Variants in EGFLAM observed in about 807,000 individuals in gnomAD.
EGFLAM encodes the protein pikachurin.
Under a neutral mutation model 113.1 loss-of-function variants are expected in EGFLAM, and 79 were observed. The observed-to-expected ratio is 0.70, with a 90% CI of 0.58 to 0.84. EGFLAM has a LOEUF of 0.84. EGFLAM is among the 40% of genes least tolerant of loss of function. EGFLAM has a pLI of 0.00. For missense variants in EGFLAM, 1,265 were observed against 1,291.6 expected (o/e 0.98, Z 0.32); for synonymous variants, 504 against 487.6 (o/e 1.03, Z -0.44).
Position 38,464,120 on chromosome 5 carries a change from T to C in EGFLAM, c.*134T>C, listed in dbSNP as rs1217518948. On this transcript the variant is annotated 3_prime_UTR_variant, in exon 22 of 22. Coordinates refer to ENST00000322350, the MANE Select transcript of EGFLAM (RefSeq NM_152403.4). ...CTCTCACCAAGAAGAAAGTACACAC[T>C]GATGAGAAACTGAGAACCAAGACAG... is the stretch of plus-strand genomic sequence containing the variant. 3 of 1,218,288 alleles carry C rather than the reference T, an allele frequency of 2.5e-6. No individual in the cohort carries two copies. Among genetic ancestry groups the C allele is most frequent in the Non-Finnish European group, 3.4e-6 (3 of 893,214 alleles). The allele number at this position is 1,218,288 out of a possible 1,614,324, so 75.5% of individuals were successfully genotyped here.
At chr5:38,438,763 G>A (rs1294945439) in intron 17 of EGFLAM, among the ~76,000 whole-genome samples, 2 of 152,074 alleles carry the variant, frequency 1.3e-5, no homozygotes, top group Non-Finnish European at 2.9e-5. Context: ...ACAGAGTAGG[G>A]GTTTCCAGGA....
chr5:38,351,942 G>A (rs1041708483), intron 4 of EGFLAM, among the ~76,000 whole-genome samples: 2 of 152,132 alleles, frequency 1.3e-5, no homozygotes, highest in East Asian at 3.9e-4. Flanking sequence ...GGGGTGCAAC[G>A]GGGAGAAGGG....
chr5:38,384,575 C>T (rs114691329), intron 6 of EGFLAM, among the ~76,000 whole-genome samples: 56 of 152,186 alleles, frequency 3.7e-4, no homozygotes, highest in African/African-American at 1.0e-3. Flanking sequence ...ACTTTCTGAC[C>T]GGGAACACCT....
At position 38,370,432 on chromosome 5, in the gene EGFLAM, A is replaced by G. The variant is rs749148076; in HGVS notation, c.682A>G (p.Ser228Gly). 2 of 1,614,168 alleles carry G rather than the reference A, an allele frequency of 1.2e-6. No individual in the cohort carries two copies. The highest frequency in any genetic ancestry group is 3.3e-5 in the Admixed American group (2 of 60,032). Residue 228 changes from serine to glycine, a missense_variant, in exon 6 of 22, where the codon AGC becomes GGC. Physicochemically the swap from Ser to Gly is moderately conservative, Grantham distance 56 (BLOSUM62 0). Coordinates refer to ENST00000322350, the MANE Select transcript of EGFLAM (RefSeq NM_152403.4). Reference protein sequence around the residue: ...AMNSHGPSPRSWPSDIIRTLC... With the variant: ...AMNSHGPSPRGWPSDIIRTLC... The stretch of plus-strand genomic sequence containing the variant: ...GAATTCCCATGGCCCCAGCCCCCGC[A>G]GCTGGCCCAGTGACATCATCCGGAC...
intron 6 of EGFLAM, among the ~76,000 whole-genome samples, chr5:38,393,592 C>T (rs1459262464): frequency 6.6e-6 from 1 of 152,202 alleles, no homozygotes; most frequent in Non-Finnish European, 1.5e-5. Context: ...GAGACAGATT[C>T]GTTCCCTTGA....
At chr5:38,278,925 A>G (rs1757953862) in intron 1 of EGFLAM, among the ~76,000 whole-genome samples, 1 of 152,184 alleles carries the variant, frequency 6.6e-6, no homozygotes, top group Non-Finnish European at 1.5e-5. Context: ...GAGTGAACAG[A>G]CAAAATACAG....
intron 1 of EGFLAM, among the ~76,000 whole-genome samples, chr5:38,291,857 C>T (rs2111795424): frequency 6.6e-6 from 1 of 152,308 alleles, no homozygotes; most frequent in South Asian, 2.1e-4. Context: ...GAGGGAAATT[C>T]CACCTGGCTC....
chr5:38,346,040 C>T (rs986425905), intron 3 of EGFLAM, among the ~76,000 whole-genome samples: 4 of 152,028 alleles, frequency 2.6e-5, no homozygotes, highest in South Asian at 2.1e-4. Flanking sequence ...TGCCACTTTC[C>T]GGAGTGTCAG....
At chr5:38,445,572 G>A (rs995435031) in intron 17 of EGFLAM, 3 of 1,595,560 alleles carry the variant, frequency 1.9e-6, no homozygotes, top group Admixed American at 3.3e-5. Flanking sequence ...AGCTTTGTGA[G>A]AGAAACAAGG....
intron 1 of EGFLAM, among the ~76,000 whole-genome samples, chr5:38,309,954 C>A (rs1738380757): frequency 6.6e-6 from 1 of 152,198 alleles, no homozygotes; most frequent in Non-Finnish European, 1.5e-5. Context: ...ATGGCATCAG[C>A]CATGACAGCG....
intron 3 of EGFLAM, among the ~76,000 whole-genome samples, chr5:38,339,454 A>G (rs933755751): frequency 2.0e-5 from 3 of 152,212 alleles, no homozygotes; most frequent in African/African-American, 7.2e-5. Context: ...TAACACTATT[A>G]TAATGGTGGT....
chr5:38,385,671 C>G (rs1478087746), intron 6 of EGFLAM, among the ~76,000 whole-genome samples: 1 of 152,204 alleles, frequency 6.6e-6, no homozygotes, highest in African/African-American at 2.4e-5. Context: ...CAGTACTCAC[C>G]ATTGCTAAAT....
chr5:38,423,849 G>A (rs1295593791), intron 12 of EGFLAM, among the ~76,000 whole-genome samples: 1 of 152,170 alleles, frequency 6.6e-6, no homozygotes, highest in Non-Finnish European at 1.5e-5. Flanking sequence ...TCTAACCTGG[G>A]TGCCTGGCCT....
intron 6 of EGFLAM, among the ~76,000 whole-genome samples, chr5:38,399,001 C>G (rs973925996): frequency 1.3e-5 from 2 of 152,152 alleles, no homozygotes; most frequent in African/African-American, 2.4e-5. Flanking sequence ...GAAGATGAAG[C>G]AGATGAATCA....
At chr5:38,299,691 A>T (rs1269869346) in intron 1 of EGFLAM, among the ~76,000 whole-genome samples, 2 of 152,140 alleles carry the variant, frequency 1.3e-5, no homozygotes, top group African/African-American at 4.8e-5. Flanking sequence ...CTCTGAGTTC[A>T]TGCAAGATCT....
At chr5:38,303,871 C>T (rs1214974539) in intron 1 of EGFLAM, among the ~76,000 whole-genome samples, 3 of 152,114 alleles carry the variant, frequency 2.0e-5, no homozygotes, top group African/African-American at 7.2e-5. Context: ...CATGGTGGCT[C>T]ATGCCTGTAA....
chr5:38,304,061 G>A (rs574879138), intron 1 of EGFLAM, among the ~76,000 whole-genome samples: 2 of 151,802 alleles, frequency 1.3e-5, no homozygotes, highest in East Asian at 1.9e-4. Flanking sequence ...CCTGGGAGGC[G>A]AAGGTTGTAG....
intron 17 of EGFLAM, among the ~76,000 whole-genome samples, chr5:38,444,076 T>C (rs1482540889): frequency 1.3e-5 from 2 of 152,076 alleles, no homozygotes; most frequent in African/African-American, 4.8e-5. Flanking sequence ...TGACCAACTC[T>C]TTATAGTCTA....
intron 3 of EGFLAM, among the ~76,000 whole-genome samples, chr5:38,340,221 G>A (rs1041954467): frequency 1.3e-5 from 2 of 152,148 alleles, no homozygotes; most frequent in African/African-American, 4.8e-5. Context: ...TGGACTTTTA[G>A]GCCTGTTTCT....
Sources: allele counts gnomAD v4.1 joint callset (sites outside exome capture counted in the v4.1 genomes callset), GRCh38; gene constraint gnomAD v4.1.1; transcripts MANE v1.5; gene names NCBI Gene and HGNC (gene_info 2026-07-23, HGNC 2026-07-21).